The following TRIM33 variants were observed in gnomAD, a reference collection of about 807,000 sequenced individuals.
TRIM33 encodes the protein E3 ubiquitin-protein ligase TRIM33.
Under a neutral mutation model 125.4 loss-of-function variants are expected in TRIM33, and 20 were observed. The observed-to-expected ratio is 0.16, with a 90% CI of 0.11 to 0.23. The LOEUF is 0.23. TRIM33 is among the 10% of genes least tolerant of loss of function. The pLI is 1.00. For missense variants in TRIM33, 920 were observed against 1,411.4 expected, an observed-to-expected ratio of 0.65 and a Z score of 5.58; for synonymous variants, 564 against 513.9, an observed-to-expected ratio of 1.10 and a Z score of -1.32.
chr1:114,409,178 T>A (rs563334273), intron 12 of TRIM33, among the ~76,000 whole-genome samples: 1 of 152,166 alleles, frequency 6.6e-6, no homozygotes, highest in African/African-American at 2.4e-5. Flanking sequence ...TAGAAAGAAG[T>A]AGGTGGTGTG....
At chr1:114,491,700 AG>A (rs1424643472) in intron 1 of TRIM33, among the ~76,000 whole-genome samples, 1 of 152,182 alleles carries the variant, frequency 6.6e-6, no homozygotes, top group African/African-American at 2.4e-5. Flanking sequence ...GCTACTCAGG[AG>A]GCTGAGGTGA....
intron 1 of TRIM33, among the ~76,000 whole-genome samples, chr1:114,465,051 T>C (rs1329355166): frequency 3.3e-5 from 5 of 152,232 alleles, no homozygotes; most frequent in African/African-American, 1.2e-4. Flanking sequence ...CAGGTGCTGT[T>C]TTAAGACACT....
Position 114,461,235 on chromosome 1 carries a change from T to C in TRIM33, c.923+1869A>G, listed in dbSNP as rs186281610. On this transcript the variant is annotated intron_variant, in intron 4 of 19. Transcript: ENST00000358465. ...TTAAAAATATATATATATATATATA[T>C]ACATATATTTATATTTTATATTTTA... Among the ~76,000 whole-genome samples, 604 of 142,086 alleles carry C rather than the reference T, an allele frequency of 4.3e-3. 2 individuals are homozygous for C. Among genetic ancestry groups the C allele is most frequent in the African/African-American group, 0.011 (401 of 38,018 alleles). The allele number at this position is 142,086 out of a possible 152,430, so 93.2% of individuals were successfully genotyped here. A position where few individuals can be genotyped will look rare whatever the true frequency, so the allele number is the denominator to read the frequency against.
intron 13 of TRIM33, among the ~76,000 whole-genome samples, chr1:114,408,316 G>C (rs1163380451): frequency 6.6e-6 from 1 of 151,768 alleles, no homozygotes; most frequent in Non-Finnish European, 1.5e-5. Context: ...TTTTTCAAAG[G>C]CATTTGTTGC....
At chr1:114,482,066 A>G (rs1352514662) in intron 1 of TRIM33, among the ~76,000 whole-genome samples, 2 of 152,190 alleles carry the variant, frequency 1.3e-5, no homozygotes, top group Non-Finnish European at 2.9e-5. Context: ...ACTTTCTGCC[A>G]TGACAAAATG....
chr1:114,507,222 C>T (rs978837238), intron 1 of TRIM33, among the ~76,000 whole-genome samples: 5 of 152,184 alleles, frequency 3.3e-5, no homozygotes, highest in African/African-American at 9.7e-5. Context: ...CAAACTTAAG[C>T]GTGAATCAGA....
intron 4 of TRIM33, among the ~76,000 whole-genome samples, chr1:114,458,254 C>T (rs918697466): frequency 2.6e-5 from 4 of 152,174 alleles, no homozygotes; most frequent in Non-Finnish European, 5.9e-5. Context: ...AAACAGCAAC[C>T]ATTGTTCCCT....
intron 1 of TRIM33, among the ~76,000 whole-genome samples, chr1:114,492,836 C>A (rs928758346): frequency 6.6e-6 from 1 of 152,196 alleles, no homozygotes; most frequent in African/African-American, 2.4e-5. Flanking sequence ...ATTATTTCCA[C>A]CTTTTGGCTA....
chr1:114,467,205 C>G (rs886645934), intron 1 of TRIM33, among the ~76,000 whole-genome samples: 47 of 152,102 alleles, frequency 3.1e-4, no homozygotes, highest in African/African-American at 1.1e-3. Flanking sequence ...GAGGATAAAT[C>G]AGAGTATCAA....
intron 14 of TRIM33, among the ~76,000 whole-genome samples, 155 bp from the exon 15 acceptor site, chr1:114,405,914 C>A (rs769942066): frequency 1.3e-5 from 2 of 152,202 alleles, no homozygotes; most frequent in South Asian, 4.1e-4. Context: ...ATGACAATAA[C>A]CCCAAAATTA....
intron 1 of TRIM33, among the ~76,000 whole-genome samples, chr1:114,497,141 A>C (rs1258741705): frequency 6.6e-6 from 1 of 152,282 alleles, no homozygotes. Context: ...TTATAGCTGC[A>C]TCACTGCAAT....
At chr1:114,510,482 C>A (rs1653276816) in intron 1 of TRIM33, 69 bp downstream of exon 1, 3 of 1,377,262 alleles carry the variant, frequency 2.2e-6, no homozygotes, top group Non-Finnish European at 2.8e-6. Context: ...CCAGCACCTC[C>A]GTCCCCAGCT....
rs3789616 is a variant in TRIM33 at position 114,398,911 on chromosome 1, A to C, written c.3120+546T>G. On this transcript the variant is annotated intron_variant, in intron 18 of 19. Coordinates refer to ENST00000358465, the MANE Select transcript of TRIM33 (RefSeq NM_015906.4). ...CAAACTTACCCTCAAAAAAAAAAAA[A>C]AAAACAAAACAAAACAAAACAAAAA... Among the ~76,000 whole-genome samples the C allele has an allele frequency of 0.017, 2,534 of 148,920 alleles. 124 individuals are homozygous for C. The East Asian group carries it at 0.19, about 11-fold the overall frequency.
At chr1:114,474,118 C>T (rs1650828887) in intron 1 of TRIM33, among the ~76,000 whole-genome samples, 2 of 152,086 alleles carry the variant, frequency 1.3e-5, no homozygotes, top group Admixed American at 1.3e-4. Flanking sequence ...CCAGGCGGGT[C>T]TCAATCTCCC....
At chr1:114,460,713 TTACTAG>T (rs1649926274) in intron 4 of TRIM33, among the ~76,000 whole-genome samples, 1 of 151,924 alleles carries the variant, frequency 6.6e-6, no homozygotes, top group Non-Finnish European at 1.5e-5. Flanking sequence ...TTCTCCAGCC[TTACTAG>T]GAAAGTAACT....
chr1:114,484,922 C>T (rs989641460), intron 1 of TRIM33, among the ~76,000 whole-genome samples: 7 of 151,794 alleles, frequency 4.6e-5, no homozygotes, highest in African/African-American at 1.7e-4. Context: ...CGTGGTGGCA[C>T]ATGCCTGTAA....
chr1:114,474,810 C>G (rs573012105), intron 1 of TRIM33, among the ~76,000 whole-genome samples: 4 of 150,852 alleles, frequency 2.7e-5, no homozygotes, highest in African/African-American at 9.8e-5. Flanking sequence ...GAGAATTGCT[C>G]GAACCCAGGA....
At chr1:114,426,221 A>C (rs977080532) in intron 8 of TRIM33, among the ~76,000 whole-genome samples, 1 of 152,178 alleles carries the variant, frequency 6.6e-6, no homozygotes, top group African/African-American at 2.4e-5. Context: ...CTTGCTTTTT[A>C]TGGAGCCATT....
At chr1:114,398,127 T>A in intron 18 of TRIM33, 137 bp from the exon 19 acceptor site, 1 of 815,492 alleles carries the variant, frequency 1.2e-6, no homozygotes. Context: ...AAAGTGCTTT[T>A]CTAAAATTCT....
Sources: allele counts gnomAD v4.1 joint callset (sites outside exome capture counted in the v4.1 genomes callset), GRCh38; gene constraint gnomAD v4.1.1; transcripts MANE v1.5; gene names NCBI Gene and HGNC (gene_info 2026-07-23, HGNC 2026-07-21).